The following RPRD1A variants were observed in gnomAD, a reference collection of about 807,000 sequenced individuals.
RPRD1A encodes the protein regulation of nuclear pre-mRNA domain-containing protein 1A.
Under a neutral mutation model 37.8 loss-of-function variants are expected in RPRD1A, and 9 were observed. The observed-to-expected ratio is 0.24, with a 90% CI of 0.14 to 0.42. The LOEUF is 0.42. Among genes scored for constraint, RPRD1A ranks in the 10% least tolerant of loss-of-function variants. RPRD1A has a pLI of 1.00. For synonymous variants in RPRD1A, 138 were observed against 139.7 expected, an observed-to-expected ratio of 0.99 and a Z score of 0.08; for missense variants, 255 against 371.0, an observed-to-expected ratio of 0.69 and a Z score of 2.57.
In RPRD1A at chr18:36,008,569, T is replaced by TATATATATA. The variant is rs1555670660; in HGVS notation, c.790-15270_790-15269insTATATATAT. Among the ~76,000 whole-genome samples, 7 of 56,068 alleles carry TATATATATA rather than the reference T, an allele frequency of 1.2e-4. 1 individual carries two copies. Among genetic ancestry groups the TATATATATA allele is most frequent in the Admixed American group, 1.9e-4 (1 of 5,390 alleles). 36.8% of individuals were successfully genotyped at this position (56,068 alleles called of 152,430 possible). A position where few individuals can be genotyped will look rare whatever the true frequency, so the allele number is the denominator to read the frequency against. ...CTAGCCTGGGCGACACAGCAAGACC[T>TATATATATA]TGTGTGTGTATATATATATATCTTT... On this transcript the variant is annotated intron_variant, in intron 6 of 6. Transcript: ENST00000399022.
At chr18:36,008,040 G>A (rs1909861266) in intron 6 of RPRD1A, among the ~76,000 whole-genome samples, 1 of 151,290 alleles carries the variant, frequency 6.6e-6, no homozygotes, top group African/African-American at 2.4e-5. Context: ...CAAAGAGTTT[G>A]AGACCAGCCT....
At chr18:36,056,656 T>C (rs1253160895) in intron 1 of RPRD1A, among the ~76,000 whole-genome samples, 23 of 151,954 alleles carry the variant, frequency 1.5e-4, no homozygotes, top group Admixed American at 1.5e-3. Context: ...GAAATACACC[T>C]GGAAAATCCA....
chr18:36,024,305 C>A (rs1911210767), intron 6 of RPRD1A, among the ~76,000 whole-genome samples: 1 of 150,450 alleles, frequency 6.6e-6, no homozygotes, highest in South Asian at 2.1e-4. Context: ...CACCACCACA[C>A]CTGGTTAATT....
intron 1 of RPRD1A, among the ~76,000 whole-genome samples, chr18:36,042,766 G>A (rs1243747293): frequency 6.6e-6 from 1 of 152,088 alleles, no homozygotes; most frequent in African/African-American, 2.4e-5. Context: ...CAAGACTAAA[G>A]TCTGACACCA....
At chr18:36,003,138 C>G (rs963277198) in intron 6 of RPRD1A, among the ~76,000 whole-genome samples, 1 of 152,186 alleles carries the variant, frequency 6.6e-6, no homozygotes, top group African/African-American at 2.4e-5. Flanking sequence ...GTTCCATTTC[C>G]CTTTGTTCTT....
intron 6 of RPRD1A, among the ~76,000 whole-genome samples, chr18:35,998,043 G>A (rs192248866): frequency 1.8e-3 from 277 of 152,208 alleles, no homozygotes; most frequent in Non-Finnish European, 3.2e-3. Context: ...GCTCATTTTC[G>A]TTTTGATTCA....
intron 1 of RPRD1A, chr18:36,040,942 CAGAA>C: frequency 1.2e-6 from 1 of 846,562 alleles, no homozygotes; most frequent in African/African-American, 1.8e-5. Context: ...AATTGTCTTT[CAGAA>C]TGAACTACAA....
intron 1 of RPRD1A, among the ~76,000 whole-genome samples, chr18:36,049,461 G>A (rs1019528520): frequency 2.6e-5 from 4 of 152,108 alleles, no homozygotes; most frequent in Non-Finnish European, 5.9e-5. Context: ...GGGAGTTGGT[G>A]GTCTTGCTGC....
At chr18:36,001,188 GA>G (rs35272148) in intron 6 of RPRD1A, among the ~76,000 whole-genome samples, 7 of 152,166 alleles carry the variant, frequency 4.6e-5, no homozygotes, top group Non-Finnish European at 8.8e-5. Flanking sequence ...AGTTCAACCA[GA>G]AAAGGTGCCC....
chr18:36,053,485 G>GT (rs1186628098), intron 1 of RPRD1A, among the ~76,000 whole-genome samples: 1 of 152,186 alleles, frequency 6.6e-6, no homozygotes. Context: ...ACTGTAGAAT[G>GT]TATCAGTACT....
rs1016012280 is a variant in RPRD1A at position 36,042,325 on chromosome 18, G to C, written c.152-8488C>G. On this transcript the variant is annotated intron_variant, in intron 1 of 6. Transcript: ENST00000399022. ...ATGTAGTGCTTCACAACTAAACTAA[G>C]TTCCATTGAGAGCAATGACTGTCAA... 2.0e-5 allele frequency among the ~76,000 whole-genome samples: 3 copies of C among 152,232 alleles called. No individual in the cohort carries two copies. The East Asian group carries it at 5.8e-4, about 29-fold the overall frequency.
At chr18:36,061,113 A>G (rs1218481184) in intron 1 of RPRD1A, among the ~76,000 whole-genome samples, 2 of 152,150 alleles carry the variant, frequency 1.3e-5, no homozygotes, top group Non-Finnish European at 2.9e-5. Context: ...TACCCCCGCA[A>G]CTTGTTCAAA....
intron 4 of RPRD1A, among the ~76,000 whole-genome samples, chr18:36,030,018 G>A (rs941196348): frequency 6.6e-6 from 1 of 151,200 alleles, no homozygotes; most frequent in Admixed American, 6.6e-5. Flanking sequence ...ATATTAGCCA[G>A]GATGGTCTCG....
chr18:36,060,489 T>G (rs1282260459), intron 1 of RPRD1A, among the ~76,000 whole-genome samples: 1 of 152,144 alleles, frequency 6.6e-6, no homozygotes, highest in Non-Finnish European at 1.5e-5. Flanking sequence ...TAAAACCAAA[T>G]TAATAAGAAC....
At chr18:36,011,016 G>A (rs1039425842) in intron 6 of RPRD1A, among the ~76,000 whole-genome samples, 1 of 152,156 alleles carries the variant, frequency 6.6e-6, no homozygotes, top group Non-Finnish European at 1.5e-5. Context: ...ACAGACATCT[G>A]AAAACTCAAG....
At chr18:36,054,713 G>A (rs1322066699) in intron 1 of RPRD1A, among the ~76,000 whole-genome samples, 1 of 152,050 alleles carries the variant, frequency 6.6e-6, no homozygotes, top group Admixed American at 6.6e-5. Flanking sequence ...AGACCCAGGG[G>A]AGCCAATGGA....
intron 1 of RPRD1A, among the ~76,000 whole-genome samples, chr18:36,041,514 T>C (rs1038898797): frequency 6.6e-6 from 1 of 152,200 alleles, no homozygotes; most frequent in Non-Finnish European, 1.5e-5. Flanking sequence ...TACCTAAGCA[T>C]TCATTTTTAA....
At chr18:36,050,093 G>A (rs1177564045) in intron 1 of RPRD1A, among the ~76,000 whole-genome samples, 3 of 151,996 alleles carry the variant, frequency 2.0e-5, no homozygotes, top group Non-Finnish European at 4.4e-5. Flanking sequence ...AAGAAAATGG[G>A]GAGTTAATGT....
At chr18:36,021,428 T>C (rs1425544210) in intron 6 of RPRD1A, among the ~76,000 whole-genome samples, 3 of 152,216 alleles carry the variant, frequency 2.0e-5, no homozygotes, top group Non-Finnish European at 4.4e-5. Flanking sequence ...CCACACACAT[T>C]GTGTTCTCAC....
Sources: allele counts gnomAD v4.1 joint callset (sites outside exome capture counted in the v4.1 genomes callset), GRCh38; gene constraint gnomAD v4.1.1; transcripts MANE v1.5; gene names NCBI Gene and HGNC (gene_info 2026-07-23, HGNC 2026-07-21).